Variants in TENM1 observed in about 807,000 individuals in gnomAD.
The protein encoded by TENM1 is teneurin-1.
Under a neutral mutation model 174.8 loss-of-function variants are expected in TENM1, and 35 were observed. The ratio of observed to expected loss-of-function variants is 0.20; its 90% CI spans 0.15 to 0.27. TENM1 has a LOEUF of 0.27. TENM1 is among the 10% of genes least tolerant of loss of function. TENM1 has a pLI of 1.00. For synonymous variants in TENM1, 781 were observed against 798.7 expected, an observed-to-expected ratio of 0.98 and a Z score of 0.37; for missense variants, 1,633 against 2,130.1, an observed-to-expected ratio of 0.77 and a Z score of 4.59.
intron 3 of TENM1, among the ~76,000 whole-genome samples, chrX:124,746,705 G>A (rs1337754132): frequency 3.6e-5 from 4 of 111,741 alleles, no homozygotes; most frequent in Non-Finnish European, 7.5e-5. Flanking sequence ...CTCAAACTAT[G>A]TGTAGATTGC....
the TENM1 span, among the ~76,000 whole-genome samples, chrX:125,050,953 C>T: frequency 9.8e-5 from 11 of 111,937 alleles, no homozygotes; most frequent in East Asian, 2.3e-3. Flanking sequence ...AAAACCCCAT[C>T]GTCTCAGCCC....
At chrX:124,921,196 C>T (rs987017066) in intron 1 of TENM1, among the ~76,000 whole-genome samples, 3 of 108,924 alleles carry the variant, frequency 2.8e-5, no homozygotes, top group Non-Finnish European at 5.7e-5. Flanking sequence ...TTAGAAATTA[C>T]CCCCCCAAAT....
At chrX:124,514,947 TAA>T (rs199902744) in intron 18 of TENM1, among the ~76,000 whole-genome samples, 1 of 107,540 alleles carries the variant, frequency 9.3e-6, no homozygotes, top group African/African-American at 3.4e-5. Flanking sequence ...CAAAAATCCT[TAA>T]AAAAAAAATT....
chrX:124,845,047 C>T (rs2056580850), intron 3 of TENM1, among the ~76,000 whole-genome samples: 1 of 111,611 alleles, frequency 9.0e-6, no homozygotes, highest in Admixed American at 9.5e-5. Flanking sequence ...TGGAGAATCA[C>T]TGCATCCTTG....
intron 22 of TENM1, among the ~76,000 whole-genome samples, chrX:124,470,660 T>C: frequency 9.0e-6 from 1 of 111,489 alleles, no homozygotes; most frequent in Non-Finnish European, 1.9e-5. Flanking sequence ...AATTTAAATA[T>C]CTTTTACTAC....
intron 11 of TENM1, among the ~76,000 whole-genome samples, chrX:124,628,247 T>C (rs1360796295): frequency 9.0e-6 from 1 of 111,146 alleles, no homozygotes; most frequent in Non-Finnish European, 1.9e-5. Context: ...TTTAGTTACC[T>C]TGGCGTTGGA....
intron 3 of TENM1, among the ~76,000 whole-genome samples, chrX:124,754,468 T>G (rs953941017): frequency 7.2e-5 from 8 of 111,526 alleles, no homozygotes; most frequent in Non-Finnish European, 1.3e-4. Flanking sequence ...TTTGAAGGGT[T>G]TTTTGTGTCT....
chrX:124,946,652 T>C (rs2058407235), intron 1 of TENM1, among the ~76,000 whole-genome samples: 1 of 111,593 alleles, frequency 9.0e-6, no homozygotes, highest in African/African-American at 3.3e-5. Context: ...AGATGAAAAC[T>C]AAGAATTGAC....
At chrX:124,576,273 C>T (rs762581889) in intron 11 of TENM1, among the ~76,000 whole-genome samples, 7 of 110,982 alleles carry the variant, frequency 6.3e-5, no homozygotes, top group Non-Finnish European at 7.6e-5. Context: ...TTGGCCAGGC[C>T]GGTCTCGAAC....
chrX:124,738,673 T>TA (rs920331429), intron 3 of TENM1, among the ~76,000 whole-genome samples: 4 of 111,835 alleles, frequency 3.6e-5, no homozygotes, highest in Non-Finnish European at 7.5e-5. Flanking sequence ...CCATATTCAC[T>TA]AAAAAAAATC....
At chrX:124,733,333 A>G (rs148067534) in intron 4 of TENM1, among the ~76,000 whole-genome samples, 98 of 112,648 alleles carry the variant, frequency 8.7e-4, no homozygotes, top group African/African-American at 3.1e-3. Flanking sequence ...AGAGTGGAAT[A>G]ACTTAGGAAT....
the TENM1 span, among the ~76,000 whole-genome samples, chrX:125,049,945 C>G: frequency 1.7e-4 from 18 of 108,070 alleles, no homozygotes; most frequent in East Asian, 4.9e-3. Flanking sequence ...TATTTTTTTC[C>G]ATTCTATGGG....
intron 22 of TENM1, among the ~76,000 whole-genome samples, chrX:124,479,473 A>C (rs2046799991): frequency 8.9e-6 from 1 of 111,929 alleles, no homozygotes; most frequent in African/African-American, 3.2e-5. Context: ...TGGCTATGAC[A>C]AGAAGAAAAA....
At chrX:124,377,679 C>A (rs2060117266) in exon 32 of TENM1, 1 of 111,637 alleles carries the variant, frequency 9.0e-6, no homozygotes, top group Admixed American at 9.6e-5. Context: ...TGCCTCCAGC[C>A]CAGAATGTTC....
At chrX:125,137,404 G>A in the TENM1 span, among the ~76,000 whole-genome samples, 2 of 107,735 alleles carry the variant, frequency 1.9e-5, no homozygotes, top group Admixed American at 1.0e-4. Flanking sequence ...AACTCTTTAC[G>A]CAAGCAACAG....
the TENM1 span, among the ~76,000 whole-genome samples, chrX:125,094,875 G>A: frequency 3.6e-5 from 4 of 112,003 alleles, no homozygotes; most frequent in African/African-American, 9.7e-5. Context: ...CCAACTTTTC[G>A]TGGACATTTT....
intron 22 of TENM1, among the ~76,000 whole-genome samples, chrX:124,471,299 T>G (rs868825875): frequency 1.8e-3 from 38 of 20,941 alleles, no homozygotes; most frequent in Non-Finnish European, 2.5e-3. Context: ...TACTATATAT[T>G]ATAATATATA....
chrX:124,690,979 A>G (rs773981580), intron 5 of TENM1, among the ~76,000 whole-genome samples: 1 of 110,996 alleles, frequency 9.0e-6, no homozygotes, highest in African/African-American at 3.3e-5. Flanking sequence ...TGCAGTTTAA[A>G]AGCACAAGCT....
At chrX:125,019,624 G>A in the TENM1 span, among the ~76,000 whole-genome samples, 1 of 110,888 alleles carries the variant, frequency 9.0e-6, no homozygotes, top group Non-Finnish European at 1.9e-5. Flanking sequence ...ATAGAATAGT[G>A]TAATAAAATG....
Sources: gnomAD v4.1 joint callset for allele counts (sites outside exome capture counted in the v4.1 genomes callset) on GRCh38, gnomAD v4.1.1 for gene constraint, MANE v1.5 for transcripts, NCBI Gene and HGNC (gene_info 2026-07-23, HGNC 2026-07-21) for gene names.